PTPRE: variants seen among roughly 807,000 people sequenced by gnomAD.
PTPRE encodes the protein protein tyrosine phosphatase receptor type E.
Under a neutral mutation model 102.0 loss-of-function variants are expected in PTPRE, and 51 were observed. The observed-to-expected ratio is 0.50, with a 90% CI of 0.40 to 0.63. PTPRE has a LOEUF of 0.63. Among genes scored for constraint, PTPRE ranks in the 30% least tolerant of loss-of-function variants. PTPRE has a pLI of 0.00. For synonymous variants in PTPRE, 345 were observed against 348.2 expected (o/e 0.99, Z 0.10); for missense variants, 752 against 915.1 (o/e 0.82, Z 2.30).
At chr10:128,038,278 A>G (rs1847395426) in intron 2 of PTPRE, among the ~76,000 whole-genome samples, 1 of 152,146 alleles carries the variant, frequency 6.6e-6, no homozygotes, top group African/African-American at 2.4e-5. Flanking sequence ...AACTAGAAAT[A>G]CCATTTGACC....
chr10:128,079,851 C>T (rs1347481567), intron 20 of PTPRE, among the ~76,000 whole-genome samples, 156 bp downstream of exon 20: 1 of 152,192 alleles, frequency 6.6e-6, no homozygotes, highest in African/African-American at 2.4e-5. Context: ...CAGTAAACCT[C>T]TGCAGAGCCC....
rs11592746 is a variant in PTPRE, at chr10:128,008,878, A to G, written c.-8+26582A>G. On this transcript the variant is annotated intron_variant, in intron 2 of 20. Coordinates refer to ENST00000254667, the MANE Select transcript of PTPRE (RefSeq NM_006504.6). This position sits in a 1 kb window ranked among gnomAD's most constrained non-coding sequence, Gnocchi z 4.0. Reference sequence around the variant, plus strand: ...CCAGTCAGTCAATCAACAAACCTGCATGAATTCAGTGCCCAGTGCTAAGTC... The same window carrying G: ...CCAGTCAGTCAATCAACAAACCTGCGTGAATTCAGTGCCCAGTGCTAAGTC... Among the ~76,000 whole-genome samples, 9,658 of 152,322 alleles carry G rather than the reference A, an allele frequency of 0.063. 476 individuals are homozygous for G. Among genetic ancestry groups the G allele is most frequent in the Middle Eastern group, 0.13 (39 of 294 alleles).
chr10:127,999,789 C>A (rs1010406927), intron 2 of PTPRE: 18 of 985,304 alleles, frequency 1.8e-5, no homozygotes, highest in African/African-American at 3.5e-5. Flanking sequence ...GTGCCGGCAG[C>A]CGCGAGCCTC....
intron 1 of PTPRE, among the ~76,000 whole-genome samples, chr10:127,924,015 T>A (rs1230724288): frequency 6.6e-6 from 1 of 152,226 alleles, no homozygotes; most frequent in Non-Finnish European, 1.5e-5. Context: ...GTTTAAATAC[T>A]GTGTCAAGAT....
intron 1 of PTPRE, among the ~76,000 whole-genome samples, chr10:127,981,767 A>G (rs1415172795): frequency 3.3e-5 from 5 of 151,978 alleles, no homozygotes; most frequent in Non-Finnish European, 7.4e-5. Flanking sequence ...CAGTGAGCTG[A>G]GATCACTCCA....
rs371644486 is a variant in PTPRE at position 127,947,008 on chromosome 10, G to A, written c.-30-35266G>A. On this transcript the variant is annotated intron_variant, in intron 1 of 20. Coordinates refer to ENST00000254667, the MANE Select transcript of PTPRE (RefSeq NM_006504.6). ...TACACTCCAGCTTAGATGACAGAAT[G>A]AGACCCTGTCTCAAAAAAAAAAAAA... is the stretch of plus-strand genomic sequence containing the variant. Among the ~76,000 whole-genome samples the A allele has an allele frequency of 4.1e-4, 58 of 141,296 alleles. No individual in the cohort carries two copies. In the East Asian group the frequency reaches 0.012, roughly 29 times the overall value. 92.7% of individuals were successfully genotyped at this position (141,296 alleles called of 152,430 possible).
chr10:128,041,392 G>A (rs1045242029), intron 3 of PTPRE, among the ~76,000 whole-genome samples: 1 of 152,166 alleles, frequency 6.6e-6, no homozygotes, highest in African/African-American at 2.4e-5. Context: ...GCTCATACCT[G>A]TAATCCCAGC....
Position 128,079,468 on chromosome 10 carries a change from A to C in PTPRE, c.1893-92A>C, listed in dbSNP as rs560223629. The C allele has an allele frequency of 7.0e-5, 103 of 1,463,668 alleles. No individual in the cohort carries two copies. In the African/African-American group the frequency reaches 1.4e-3, roughly 20 times the overall value. The allele number at this position is 1,463,668 out of a possible 1,614,324, so 90.7% of individuals were successfully genotyped here. A position where few individuals can be genotyped will look rare whatever the true frequency, so the allele number is the denominator to read the frequency against. ...GATCATTTTCAGCGATTGTTGCTTC[A>C]GTGCTGATATGCAGGGGTTGGCTGT... On this transcript the variant is annotated intron_variant, in intron 19 of 20. Transcript: ENST00000254667.
intron 1 of PTPRE, among the ~76,000 whole-genome samples, chr10:127,956,882 T>C (rs1401401262): frequency 6.6e-6 from 1 of 152,216 alleles, no homozygotes; most frequent in Non-Finnish European, 1.5e-5. Context: ...TGTTGATGTG[T>C]CTGTTCTGGT....
At chr10:127,928,639 C>G (rs970552248) in intron 1 of PTPRE, among the ~76,000 whole-genome samples, 1 of 152,206 alleles carries the variant, frequency 6.6e-6, no homozygotes. Flanking sequence ...GAATCCTGCA[C>G]TCATCTACAA....
At chr10:127,973,524 T>A (rs967487337) in intron 1 of PTPRE, among the ~76,000 whole-genome samples, 1 of 152,162 alleles carries the variant, frequency 6.6e-6, no homozygotes, top group Non-Finnish European at 1.5e-5. Flanking sequence ...AAAACAATAA[T>A]ATTTACAAAT....
chr10:127,947,770 C>T (rs1242299698), intron 1 of PTPRE, among the ~76,000 whole-genome samples: 4 of 152,110 alleles, frequency 2.6e-5, no homozygotes, highest in African/African-American at 9.7e-5. Context: ...AGAAAAATCT[C>T]GGACTTAAAA....
At chr10:128,016,728 A>C (rs1845465111) in intron 2 of PTPRE, among the ~76,000 whole-genome samples, 2 of 152,170 alleles carry the variant, frequency 1.3e-5, no homozygotes, top group African/African-American at 2.4e-5. Context: ...CTGCCCACCC[A>C]GTGGCCCCAG....
intron 2 of PTPRE, among the ~76,000 whole-genome samples, chr10:128,040,010 CT>C (rs779608672): frequency 1.3e-5 from 2 of 152,176 alleles, no homozygotes; most frequent in African/African-American, 2.4e-5. Context: ...ATGAAAGAGC[CT>C]TTTTCTGTGC....
chr10:128,026,537 C>A (rs1846304873), intron 2 of PTPRE, among the ~76,000 whole-genome samples: 1 of 152,242 alleles, frequency 6.6e-6, no homozygotes, highest in African/African-American at 2.4e-5. Context: ...CAGGTCCCTG[C>A]AGTGATAGCC....
intron 1 of PTPRE, among the ~76,000 whole-genome samples, chr10:127,917,408 G>A (rs112437370): frequency 2.3e-4 from 35 of 152,296 alleles, no homozygotes; most frequent in African/African-American, 8.2e-4. Context: ...AGGGCCAGGT[G>A]CAGTGGCTCA....
At chr10:127,942,368 T>C (rs1003434888) in intron 1 of PTPRE, among the ~76,000 whole-genome samples, 1 of 152,234 alleles carries the variant, frequency 6.6e-6, no homozygotes, top group East Asian at 1.9e-4. Flanking sequence ...TTTCTTTAAA[T>C]TGTACGACAT....
chr10:127,982,606 C>T (rs535707143), intron 2 of PTPRE, among the ~76,000 whole-genome samples: 6 of 151,838 alleles, frequency 4.0e-5, no homozygotes, highest in South Asian at 2.1e-4. Context: ...CTTTCACTGA[C>T]GTGTCGTTGC....
At position 128,077,732 on chromosome 10, in the gene PTPRE, T is replaced by A. The variant is rs1236533165; in HGVS notation, c.1841T>A (p.Val614Glu). Residue 614 changes from valine (V) to glutamate (E), a missense_variant, in exon 19 of 21, where the codon GTG becomes GAG. By Grantham distance (121) the Val-to-Glu change is moderately radical. This residue lies in a region of PTPRE where 636 missense variants were observed against 824.4 expected (regional missense o/e 0.77). Transcript: ENST00000254667. ...GGCATGATTGACCTCATCGCAGCCGTGCAGAAGCAGCAGCAGCAGACAGGC... is the reference window on the plus strand; with the variant it reads ...GGCATGATTGACCTCATCGCAGCCGAGCAGAAGCAGCAGCAGCAGACAGGC... ...GKGMIDLIAAVQKQQQQTGNH... is the reference protein window; with the variant it reads ...GKGMIDLIAAEQKQQQQTGNH... 3 of 1,610,412 alleles carry A rather than the reference T, an allele frequency of 1.9e-6. No homozygotes were observed. Among genetic ancestry groups the A allele is most frequent in the Non-Finnish European group, 8.5e-7 (1 of 1,177,056 alleles).
Sources: gnomAD v4.1 joint callset for allele counts (sites outside exome capture counted in the v4.1 genomes callset) on GRCh38, gnomAD v4.1.1 for gene constraint, gnomAD v4.1.1 regional missense constraint, Gnocchi (gnomAD v3.1) non-coding constraint, MANE v1.5 for transcripts, NCBI Gene and HGNC (gene_info 2026-07-23, HGNC 2026-07-21) for gene names.